AKAP13: variants seen among roughly 807,000 people sequenced by gnomAD.
AKAP13 encodes A-kinase anchoring protein 13, also known as A-kinase anchor protein 13.
A neutral mutation model predicts 264.5 loss-of-function variants in AKAP13; 80 were observed. The observed-to-expected ratio is 0.30, with a 90% CI of 0.25 to 0.36. The LOEUF (loss-of-function observed/expected upper bound fraction) is 0.36, where lower values mean the gene tolerates loss of function less well. Among genes scored for constraint, AKAP13 ranks in the 10% least tolerant of loss-of-function variants. AKAP13 has a pLI of 1.00. For missense variants in AKAP13, 3,712 were observed against 3,435.2 expected (o/e 1.08, Z -2.01); for synonymous variants, 1,380 against 1,250.2 (o/e 1.10, Z -2.19).
rs2079113924 is a variant in AKAP13 at position 85,579,485 on chromosome 15, G to T, written c.1417G>T (p.Val473Phe). 6.2e-7 allele frequency: 1 copy of T among 1,614,136 alleles called. No homozygotes were observed. Among genetic ancestry groups the T allele is most frequent in the Non-Finnish European group, 8.5e-7 (1 of 1,180,014 alleles). Residue 473 changes from valine (V) to phenylalanine (F), a missense_variant, in exon 7 of 37, where the codon GTC becomes TTC. Val to Phe is a conservative substitution (Grantham distance 50). Transcript: ENST00000394518. ...GELGGISTTN[V>F]STPDTAGEME... is the part of the protein sequence containing the mutation. Reference sequence around the variant, plus strand: ...ACTGGGAGGCATTTCAACAACAAATGTCAGTACCCCAGACACTGCAGGGGA... The same window carrying T: ...ACTGGGAGGCATTTCAACAACAAATTTCAGTACCCCAGACACTGCAGGGGA...
chr15:85,660,592 T>TA (rs1437672039), intron 12 of AKAP13, among the ~76,000 whole-genome samples: 2 of 152,132 alleles, frequency 1.3e-5, no homozygotes, highest in Non-Finnish European at 2.9e-5. Context: ...GATATTTAGG[T>TA]AAAAATATGC....
chr15:85,465,424 A>G (rs1409938158), intron 1 of AKAP13, among the ~76,000 whole-genome samples: 2 of 151,142 alleles, frequency 1.3e-5, no homozygotes, highest in Non-Finnish European at 3.0e-5. Context: ...ATATGTATAC[A>G]TGTGCCATGC....
chr15:85,546,321 A>AACACACACACACACACACACACACACAC (rs60271542), intron 5 of AKAP13, among the ~76,000 whole-genome samples: 4 of 145,176 alleles, frequency 2.8e-5, no homozygotes, highest in South Asian at 2.2e-4. Context: ...GTTGTTACCA[A>AACACACACACACACACACACACACACAC]ACACACACAC....
At chr15:85,530,644 CT>C (rs1454880055) in intron 3 of AKAP13, among the ~76,000 whole-genome samples, 3 of 152,140 alleles carry the variant, frequency 2.0e-5, no homozygotes, top group African/African-American at 7.2e-5. Flanking sequence ...CCTCAAAGGA[CT>C]TTCAGAAGTT....
intron 1 of AKAP13, among the ~76,000 whole-genome samples, chr15:85,404,056 T>G (rs1439851010): frequency 6.6e-6 from 1 of 152,150 alleles, no homozygotes; most frequent in Non-Finnish European, 1.5e-5. Context: ...TGTTAACTTC[T>G]GATACCTTCT....
rs757329617 is a variant in AKAP13, at chr15:85,655,540, A to G, written c.4498A>G (p.Asn1500Asp). The G allele has an allele frequency of 5.6e-6, 9 of 1,614,122 alleles. No homozygotes were observed. Among genetic ancestry groups the G allele is most frequent in the Admixed American group, 1.7e-5 (1 of 60,012 alleles). ...DVSLSQILKP[N>D]RSRDRQSLDG... Reference sequence around the variant, plus strand: ...GTCTCTCTCCCAGATTTTAAAGCCAAACAGGTCAAGAGATCGGCAAAGCCT... The same window carrying G: ...GTCTCTCTCCCAGATTTTAAAGCCAGACAGGTCAAGAGATCGGCAAAGCCT... The change falls in exon 11 of 37, where the codon AAC becomes GAC. Residue 1500 changes from asparagine (N) to aspartate (D), a missense_variant. Asn to Asp is a conservative substitution (Grantham distance 23). This residue lies in a region of AKAP13 where 2,759 missense variants were observed against 2,411.7 expected (regional missense o/e 1.14). Coordinates refer to ENST00000394518, the MANE Select transcript of AKAP13 (RefSeq NM_007200.5).
intron 1 of AKAP13, among the ~76,000 whole-genome samples, chr15:85,425,899 C>T (rs1356195062): frequency 6.7e-6 from 1 of 149,266 alleles, no homozygotes; most frequent in Non-Finnish European, 1.5e-5. Context: ...GAAACAAGAT[C>T]GGTTTAAAAA....
chr15:85,459,438 A>T (rs1335645887), intron 1 of AKAP13, among the ~76,000 whole-genome samples: 5 of 144,082 alleles, frequency 3.5e-5, no homozygotes, highest in African/African-American at 1.3e-4. Context: ...ACCTCAAGTG[A>T]TCTGCCCGCC....
At chr15:85,734,853 TTCTC>T (rs1464957305) in intron 30 of AKAP13, 135 bp from the exon 31 acceptor site, 5 of 1,159,836 alleles carry the variant, frequency 4.3e-6, no homozygotes, top group Admixed American at 2.5e-5. Flanking sequence ...GCTGAGACCC[TTCTC>T]TGAGCAAAGG....
At chr15:85,443,667 C>T (rs981064523) in intron 1 of AKAP13, among the ~76,000 whole-genome samples, 1 of 151,506 alleles carries the variant, frequency 6.6e-6, no homozygotes, top group African/African-American at 2.4e-5. Flanking sequence ...CGACTGCTGT[C>T]TTATATGCGG....
At chr15:85,538,019 G>C (rs1180321803) in intron 4 of AKAP13, among the ~76,000 whole-genome samples, 1 of 152,076 alleles carries the variant, frequency 6.6e-6, no homozygotes, top group African/African-American at 2.4e-5. Flanking sequence ...GATTCATCTG[G>C]GTGTGGCGTG....
intron 14 of AKAP13, among the ~76,000 whole-genome samples, chr15:85,671,587 T>A (rs932751540): frequency 6.6e-6 from 1 of 152,028 alleles, no homozygotes; most frequent in Admixed American, 6.6e-5. Context: ...TTCAAAGATA[T>A]GTCCCCCAGA....
At chr15:85,738,792 T>C (rs1027152345) in intron 33 of AKAP13, among the ~76,000 whole-genome samples, 1 of 145,918 alleles carries the variant, frequency 6.9e-6, no homozygotes. Flanking sequence ...GAGCCGAGAT[T>C]GCGCCACTGC....
chr15:85,573,701 GCACCTTATCAGAATGC>G (rs2078905507), intron 5 of AKAP13, among the ~76,000 whole-genome samples: 1 of 152,096 alleles, frequency 6.6e-6, no homozygotes, highest in African/African-American at 2.4e-5. Flanking sequence ...GAGCTGCTAG[GCACCTTATCAGAATGC>G]TGTTTGAGGA....
intron 34 of AKAP13, 38 bp from the exon 35 acceptor site, chr15:85,741,008 G>A: frequency 6.4e-7 from 1 of 1,570,056 alleles, no homozygotes; most frequent in Non-Finnish European, 8.6e-7. Context: ...CTGTCGTCCT[G>A]GCCAGAGTTG....
At chr15:85,384,532 C>A (rs1326858134) in intron 1 of AKAP13, among the ~76,000 whole-genome samples, 1 of 151,994 alleles carries the variant, frequency 6.6e-6, no homozygotes, top group Non-Finnish European at 1.5e-5. Flanking sequence ...GCCTGGCCAA[C>A]ATGGTGAAAC....
At chr15:85,546,708 A>C (rs2077757827) in intron 5 of AKAP13, among the ~76,000 whole-genome samples, 1 of 151,888 alleles carries the variant, frequency 6.6e-6, no homozygotes, top group South Asian at 2.1e-4. Flanking sequence ...GAAAGTTAAG[A>C]ATCGCCACAA....
At chr15:85,608,312 C>T (rs566240507) in intron 8 of AKAP13, among the ~76,000 whole-genome samples, 2 of 152,212 alleles carry the variant, frequency 1.3e-5, no homozygotes, top group South Asian at 4.1e-4. Flanking sequence ...ATTTTCTCTC[C>T]TTGTTTAATA....
At chr15:85,562,310 A>G (rs905262118) in intron 5 of AKAP13, among the ~76,000 whole-genome samples, 4 of 152,116 alleles carry the variant, frequency 2.6e-5, no homozygotes, top group Admixed American at 6.6e-5. Flanking sequence ...CACACCTGTA[A>G]TCCCAGCAGT....
Sources: allele counts gnomAD v4.1 joint callset (sites outside exome capture counted in the v4.1 genomes callset), GRCh38; gene constraint gnomAD v4.1.1; regional missense constraint gnomAD v4.1.1; transcripts MANE v1.5; gene names NCBI Gene and HGNC (gene_info 2026-07-23, HGNC 2026-07-21).